Variants in DGKE observed in about 807,000 individuals in gnomAD.
DGKE encodes the protein DAG kinase epsilon.
Under a neutral mutation model 70.0 loss-of-function variants are expected in DGKE, and 53 were observed. That is an observed-to-expected ratio of 0.76 (90% confidence interval 0.61 to 0.95). The LOEUF is 0.95. Among genes scored for constraint, DGKE ranks in the 40% least tolerant of loss-of-function variants. DGKE has a pLI of 0.00. For synonymous variants in DGKE, 291 were observed against 257.0 expected, an observed-to-expected ratio of 1.13 and a Z score of -1.27; for missense variants, 655 against 706.9, an observed-to-expected ratio of 0.93 and a Z score of 0.83.
In DGKE at chr17:56,862,850, C is replaced by A; in HGVS notation, c.*59C>A. The A allele has an allele frequency of 7.5e-7, 1 of 1,340,570 alleles. No individual in the cohort carries two copies. The highest frequency in any genetic ancestry group is 9.7e-7 in the Non-Finnish European group (1 of 1,030,598). The allele number at this position is 1,340,570 out of a possible 1,614,324, so 83.0% of individuals were successfully genotyped here. A position where few individuals can be genotyped will look rare whatever the true frequency, so the allele number is the denominator to read the frequency against. ...CTCACGCAAGTAGATACATGTTCAT[C>A]CAAAAGTATTAATAGAAATTCTCTA... On this transcript the variant is annotated 3_prime_UTR_variant, in exon 12 of 12. Coordinates refer to ENST00000284061, the MANE Select transcript of DGKE (RefSeq NM_003647.3).
intron 1 of DGKE, 141 bp from the exon 2 acceptor site, chr17:56,834,637 G>C (rs916103058): frequency 3.8e-6 from 3 of 791,436 alleles, no homozygotes; most frequent in South Asian, 3.4e-5. Flanking sequence ...CCCGGGAGAC[G>C]GGGGGACGAG....
intron 2 of DGKE, among the ~76,000 whole-genome samples, chr17:56,837,227 G>A (rs1377026219): frequency 6.7e-6 from 1 of 148,360 alleles, no homozygotes; most frequent in African/African-American, 2.5e-5. Flanking sequence ...TTTTTTTTCT[G>A]GCAACCCTAG....
At chr17:56,850,880 A>T (rs1227707443) in intron 7 of DGKE, among the ~76,000 whole-genome samples, 1 of 152,222 alleles carries the variant, frequency 6.6e-6, no homozygotes, top group Admixed American at 6.5e-5. Flanking sequence ...GCTAGACTAT[A>T]AATGTGTTAT....
At position 56,834,552 on chromosome 17, in the gene DGKE, C is replaced by G. The variant is rs369362734; in HGVS notation, c.-18-226C>G. ...CAGCCGCCTTGGGCTCCTGGACGCG[C>G]TCCCGAGGTGGGGCGGGTTGGGGAG... On this transcript the variant is annotated intron_variant, in intron 1 of 11. Coordinates refer to ENST00000284061, the MANE Select transcript of DGKE (RefSeq NM_003647.3). 3.9e-5 allele frequency among the ~76,000 whole-genome samples: 6 copies of G among 152,242 alleles called. No individual in the cohort carries two copies. In the East Asian group the frequency reaches 1.2e-3, roughly 30 times the overall value.
rs1908631881 is a variant in DGKE at position 56,868,690 on chromosome 17, A to T, written c.*5899A>T. 6.6e-6 allele frequency: 1 copy of T among 152,262 alleles called. No homozygotes were observed. The highest frequency in any genetic ancestry group is 2.1e-4 in the South Asian group (1 of 4,830). 9.4% of individuals were successfully genotyped at this position (152,262 alleles called of 1,614,324 possible). Reference sequence around the variant, plus strand: ...GCAGCACGTAAGTATGATACTGTGTAGTTTTTTGACACAACCATGAGATAC... The same window carrying T: ...GCAGCACGTAAGTATGATACTGTGTTGTTTTTTGACACAACCATGAGATAC... On this transcript the variant is annotated 3_prime_UTR_variant, in exon 12 of 12. Transcript: ENST00000284061.
chr17:56,851,451 A>C (rs1326371557), intron 7 of DGKE, among the ~76,000 whole-genome samples: 1 of 152,196 alleles, frequency 6.6e-6, no homozygotes, highest in Non-Finnish European at 1.5e-5. Context: ...CTCTCTGGGG[A>C]AGCTAACTTG....
chr17:56,856,776 C>T, intron 8 of DGKE, 151 bp downstream of exon 8: 5 of 789,338 alleles, frequency 6.3e-6, no homozygotes, highest in Admixed American at 4.0e-5. Context: ...CAAATTAGAT[C>T]TTTTTTTTTT....
chr17:56,845,194 G>C (rs1487114706), intron 3 of DGKE, among the ~76,000 whole-genome samples: 1 of 152,086 alleles, frequency 6.6e-6, no homozygotes, highest in Admixed American at 6.6e-5. Flanking sequence ...TGAGCTATTA[G>C]AAGTCCAGAT....
chr17:56,838,260 C>A (rs1405031391), intron 2 of DGKE, among the ~76,000 whole-genome samples: 11 of 152,188 alleles, frequency 7.2e-5, no homozygotes, highest in Non-Finnish European at 1.6e-4. Flanking sequence ...CAGCTTTGAT[C>A]ATAAATTTTG....
intron 1 of DGKE, among the ~76,000 whole-genome samples, chr17:56,834,519 G>A (rs1906432003): frequency 6.6e-6 from 1 of 152,232 alleles, no homozygotes. Context: ...AGGCGGCGGC[G>A]GCAGCAGCAG....
At chr17:56,842,939 T>G (rs931156510) in intron 2 of DGKE, among the ~76,000 whole-genome samples, 2 of 152,230 alleles carry the variant, frequency 1.3e-5, no homozygotes, top group African/African-American at 4.8e-5. Context: ...AATGCACATG[T>G]TCTTACGTCT....
chr17:56,864,137 C>T lies in DGKE; in HGVS notation c.*1346C>T, dbSNP rs1355363382. ...ACTGAAGGGCTAGTTTCATGGTTCC[C>T]ATTAGAGGGTGCTTGTTCGCTGCTG... On this transcript the variant is annotated 3_prime_UTR_variant, in exon 12 of 12. Transcript: ENST00000284061. The T allele has an allele frequency of 6.6e-6, 1 of 152,172 alleles. No individual in the cohort carries two copies. The highest frequency in any genetic ancestry group is 1.5e-5 in the Non-Finnish European group (1 of 68,030). 9.4% of individuals were successfully genotyped at this position (152,172 alleles called of 1,614,324 possible). A position where few individuals can be genotyped will look rare whatever the true frequency, so the allele number is the denominator to read the frequency against.
intron 5 of DGKE, 132 bp downstream of exon 5, chr17:56,848,197 AC>A: frequency 1.8e-6 from 1 of 540,698 alleles, no homozygotes; most frequent in Non-Finnish European, 2.6e-6. Flanking sequence ...TCGCACTGTC[AC>A]CCAGGCTGGA....
intron 8 of DGKE, 25 bp from the exon 9 acceptor site, chr17:56,858,564 AATATT>A (rs767916969): frequency 8.4e-6 from 13 of 1,548,516 alleles, no homozygotes; most frequent in Middle Eastern, 3.4e-4. Flanking sequence ...AGATTGTTTT[AATATT>A]ATATTTTCTG....
intron 2 of DGKE, among the ~76,000 whole-genome samples, chr17:56,842,052 T>C (rs1907015991): frequency 6.6e-6 from 1 of 152,190 alleles, no homozygotes; most frequent in South Asian, 2.1e-4. Flanking sequence ...TTACAAACCA[T>C]GTTTTAAAAA....
rs868074308 is a variant in DGKE at position 56,868,304 on chromosome 17, C to G, written c.*5513C>G. 2 of 152,252 alleles carry G rather than the reference C, an allele frequency of 1.3e-5. No individual in the cohort carries two copies. Among genetic ancestry groups the G allele is most frequent in the Admixed American group, 1.3e-4 (2 of 15,290 alleles). The allele number at this position is 152,252 out of a possible 1,614,324, so 9.4% of individuals were successfully genotyped here. A position where few individuals can be genotyped will look rare whatever the true frequency, so the allele number is the denominator to read the frequency against. ...GTTCAGGGCTCTGCCAGCAGTCTTT[C>G]AGATCTGAACTGCTTAAACAAACCC... On this transcript the variant is annotated 3_prime_UTR_variant, in exon 12 of 12. Transcript: ENST00000284061.
At chr17:56,837,840 T>A (rs1009255934) in intron 2 of DGKE, among the ~76,000 whole-genome samples, 11 of 152,216 alleles carry the variant, frequency 7.2e-5, no homozygotes, top group African/African-American at 2.7e-4. Flanking sequence ...GCCTGCAGAA[T>A]AAGTGAGAAA....
intron 8 of DGKE, among the ~76,000 whole-genome samples, chr17:56,857,180 G>C (rs8067906): frequency 0.71 from 108,010 of 152,144 alleles, 38,746 homozygotes; most frequent in East Asian, 0.91. Flanking sequence ...TGTTTTATAG[G>C]ATATTTTGCT....
chr17:56,836,205 T>A (rs1479239146), intron 2 of DGKE: 5 of 38,192 alleles, frequency 1.3e-4, no homozygotes, highest in Non-Finnish European at 2.8e-4. Flanking sequence ...TGCTTTTTAA[T>A]TTTTTTAATT....
Sources: gnomAD v4.1 joint callset for allele counts (sites outside exome capture counted in the v4.1 genomes callset) on GRCh38, gnomAD v4.1.1 for gene constraint, MANE v1.5 for transcripts, NCBI Gene and HGNC (gene_info 2026-07-23, HGNC 2026-07-21) for gene names.